The following WDR3 variants were observed in gnomAD, a reference collection of about 807,000 sequenced individuals.
The protein encoded by WDR3 is WD repeat-containing protein 3.
In WDR3, 81 loss-of-function variants were observed where a neutral mutation model predicts 123.7. That is an observed-to-expected ratio of 0.65 (90% CI 0.55 to 0.79). The LOEUF is 0.79. Ranked by LOEUF, WDR3 falls within the 30% of genes least tolerant of loss-of-function variation. The pLI is 0.00. For missense variants in WDR3, 1,027 were observed against 1,123.2 expected, an observed-to-expected ratio of 0.91 and a Z score of 1.22; for synonymous variants, 390 against 388.8, an observed-to-expected ratio of 1.00 and a Z score of -0.04.
At chr1:117,950,957 G>T in intron 16 of WDR3, 67 bp downstream of exon 16, 1 of 1,289,020 alleles carries the variant, frequency 7.8e-7, no homozygotes, top group South Asian at 1.3e-5. Context: ...TCTTAATTCT[G>T]GCTTGATGTC....
rs1653326171 is a variant in WDR3 at position 117,963,152 on chromosome 1, C to G, written c.*3705C>G. On this transcript the variant is annotated 3_prime_UTR_variant, in exon 27 of 27. Coordinates refer to ENST00000349139, the MANE Select transcript of WDR3 (RefSeq NM_006784.3). Reference sequence around the variant, plus strand: ...TAACAGTCACTGAGCCCAACTCTTACATAGGGCCTGGCAGTGTTGCCCTTG... The same window carrying G: ...TAACAGTCACTGAGCCCAACTCTTAGATAGGGCCTGGCAGTGTTGCCCTTG... 6.6e-6 allele frequency: 1 copy of G among 152,186 alleles called. No individual in the cohort carries two copies. Among genetic ancestry groups the G allele is most frequent in the African/African-American group, 2.4e-5 (1 of 41,432 alleles). 9.4% of individuals were successfully genotyped at this position (152,186 alleles called of 1,614,324 possible). A position where few individuals can be genotyped will look rare whatever the true frequency, so the allele number is the denominator to read the frequency against.
intron 15 of WDR3, among the ~76,000 whole-genome samples, chr1:117,950,528 G>A (rs1651571850): frequency 6.6e-6 from 1 of 152,052 alleles, no homozygotes; most frequent in Non-Finnish European, 1.5e-5. Flanking sequence ...GTTGGGCCTG[G>A]GAAATTTTTT....
At chr1:117,938,723 A>T (rs905190996) in intron 5 of WDR3, among the ~76,000 whole-genome samples, 165 bp downstream of exon 5, 3 of 152,212 alleles carry the variant, frequency 2.0e-5, no homozygotes, top group Admixed American at 6.5e-5. Context: ...AATGCCAGCC[A>T]TTGGAGCAGA....
intron 13 of WDR3, among the ~76,000 whole-genome samples, chr1:117,949,175 G>T (rs901292568): frequency 2.6e-5 from 4 of 152,104 alleles, no homozygotes; most frequent in African/African-American, 9.7e-5. Flanking sequence ...TGCATTTGTA[G>T]AGTGTTCTAT....
chr1:117,950,970 C>A, intron 16 of WDR3, 80 bp downstream of exon 16: 1 of 1,141,950 alleles, frequency 8.8e-7, no homozygotes, highest in Non-Finnish European at 1.3e-6. Context: ...TTGATGTCTT[C>A]ATCTTAGATT....
intron 9 of WDR3, 118 bp downstream of exon 9, chr1:117,941,965 G>T (rs1276822384): frequency 2.1e-6 from 3 of 1,416,564 alleles, no homozygotes; most frequent in Admixed American, 6.8e-5. Context: ...AAAAGTTAAA[G>T]AACTTGTGAG....
At chr1:117,948,350 T>C in intron 12 of WDR3, 55 bp from the exon 13 acceptor site, 1 of 1,491,372 alleles carries the variant, frequency 6.7e-7, no homozygotes, top group South Asian at 1.2e-5. Context: ...CAGTCATGAA[T>C]CATGGAGGTT....
rs1224137710 is a variant in WDR3 at position 117,950,036 on chromosome 1, A to G, written c.1652A>G (p.Asp551Gly). The G allele has an allele frequency of 3.1e-6, 5 of 1,613,760 alleles. No homozygotes were observed. Among genetic ancestry groups the G allele is most frequent in the African/African-American group, 2.7e-5 (2 of 74,852 alleles). ...ACCCGAACTTTGCAACTAGATGAAG[A>G]TGTTCTGTGTGTCAGTTACTCTCCC... is the stretch of plus-strand genomic sequence containing the variant. ...KQTRTLQLDE[D>G]VLCVSYSPNQ... Residue 551 changes from aspartate to glycine, a missense_variant, in exon 15 of 27, where the codon GAT becomes GGT. Transcript: ENST00000349139.
intron 1 of WDR3, among the ~76,000 whole-genome samples, chr1:117,932,340 C>T (rs963214075): frequency 2.0e-5 from 3 of 152,206 alleles, no homozygotes; most frequent in Non-Finnish European, 4.4e-5. Context: ...GGTCCAAGAA[C>T]TGCAATAGCA....
chr1:117,959,088 T>G, intron 26 of WDR3, 85 bp downstream of exon 26: 1 of 1,392,742 alleles, frequency 7.2e-7, no homozygotes, highest in Non-Finnish European at 1.0e-6. Context: ...GCTTTGTCTT[T>G]AGCAATACCC....
At chr1:117,935,878 A>G (rs961084220) in intron 3 of WDR3, among the ~76,000 whole-genome samples, 5 of 151,964 alleles carry the variant, frequency 3.3e-5, no homozygotes, top group African/African-American at 1.2e-4. Context: ...TTTTCAATAT[A>G]AAAAGAAAGG....
intron 1 of WDR3, 106 bp downstream of exon 1, chr1:117,929,888 G>T (rs1176136915): frequency 2.6e-5 from 4 of 152,416 alleles, no homozygotes; most frequent in African/African-American, 9.6e-5. Context: ...CGAGACGGGC[G>T]TGTTAAAGGC....
At position 117,938,548 on chromosome 1, in the gene WDR3, A is replaced by T; in HGVS notation, c.569A>T (p.His190Leu). 6.2e-7 allele frequency: 1 copy of T among 1,613,178 alleles called. No homozygotes were observed. Among genetic ancestry groups the T allele is most frequent in the Non-Finnish European group, 8.5e-7 (1 of 1,179,260 alleles). ...TQHCFKTMVG[H>L]RTEVWGLVLL... ...CACTGCTTTAAAACAATGGTTGGCC[A>T]CCGGACTGAGGTAAGTGTAGGGTCA... The change falls in exon 5 of 27, where the codon CAC becomes CTC. Residue 190 changes from histidine (H) to leucine (L), a missense_variant. By Grantham distance (99) the His-to-Leu change is moderately conservative. Transcript: ENST00000349139.
intron 24 of WDR3, among the ~76,000 whole-genome samples, chr1:117,955,703 G>A (rs1042444845): frequency 1.2e-4 from 18 of 151,116 alleles, no homozygotes; most frequent in African/African-American, 4.1e-4. Context: ...ATTATATAAA[G>A]TTTTATATTC....
In WDR3 at chr1:117,936,784, G is replaced by C. The variant is rs375472059; in HGVS notation, c.397G>C (p.Val133Leu). The C allele has an allele frequency of 6.2e-7, 1 of 1,611,620 alleles. No individual in the cohort carries two copies. The highest frequency in any genetic ancestry group is 8.5e-7 in the Non-Finnish European group (1 of 1,178,496). ...ASGSKDTDII[V>L]WDVINESGLY... ...ATCCCTTTAGGACACAGATATTATT[G>C]TATGGGATGTGATCAATGAAAGTGG... Residue 133 changes from valine to leucine, a missense_variant, in exon 4 of 27, where the codon GTA (valine) becomes CTA (leucine). Coordinates refer to ENST00000349139, the MANE Select transcript of WDR3 (RefSeq NM_006784.3).
chr1:117,945,727 G>A (rs1344162312), intron 11 of WDR3, among the ~76,000 whole-genome samples: 1 of 152,120 alleles, frequency 6.6e-6, no homozygotes, highest in Non-Finnish European at 1.5e-5. Flanking sequence ...ATTAATGTTT[G>A]TGGTCCTATA....
intron 16 of WDR3, 30 bp from the exon 17 acceptor site, chr1:117,951,946 A>G (rs1261389792): frequency 1.3e-6 from 2 of 1,581,726 alleles, no homozygotes; most frequent in African/African-American, 2.7e-5. Flanking sequence ...TTCAAAAATC[A>G]AGGTAGTGTT....
At chr1:117,954,186 T>A in intron 22 of WDR3, 87 bp downstream of exon 22, 1 of 1,105,862 alleles carries the variant, frequency 9.0e-7, no homozygotes, top group Non-Finnish European at 1.3e-6. Flanking sequence ...TTAACTAAGA[T>A]CAGGATATGC....
intron 10 of WDR3, among the ~76,000 whole-genome samples, chr1:117,943,112 T>A (rs1651236423): frequency 6.6e-6 from 1 of 151,752 alleles, no homozygotes; most frequent in Admixed American, 6.6e-5. Context: ...GCCACCACAC[T>A]CAGCTAATTT....
Sources: gnomAD v4.1 joint callset for allele counts (sites outside exome capture counted in the v4.1 genomes callset) on GRCh38, gnomAD v4.1.1 for gene constraint, MANE v1.5 for transcripts, NCBI Gene and HGNC (gene_info 2026-07-23, HGNC 2026-07-21) for gene names.